TTC34: variants seen among roughly 807,000 people sequenced by gnomAD.
TTC34 encodes the protein tetratricopeptide repeat domain 34, also known as tetratricopeptide repeat protein 34.
Under a neutral mutation model 40.7 loss-of-function variants are expected in TTC34, and 44 were observed. The ratio of observed to expected loss-of-function variants is 1.08; its 90% CI spans 0.85 to 1.39. The LOEUF (loss-of-function observed/expected upper bound fraction) is 1.39, where lower values mean the gene tolerates loss of function less well. TTC34 is among the 40% of genes most tolerant of loss of function. The pLI is 0.00. For missense variants in TTC34, 884 were observed against 838.0 expected (o/e 1.05, Z -0.68); for synonymous variants, 422 against 398.6 (o/e 1.06, Z -0.70).
chr1:2,794,276 G>A (rs1643692750), intron 2 of TTC34, among the ~76,000 whole-genome samples: 1 of 152,110 alleles, frequency 6.6e-6, no homozygotes, highest in South Asian at 2.1e-4. Context: ...AAAAGTGCTG[G>A]GATTACAGGC....
intron 6 of TTC34, among the ~76,000 whole-genome samples, chr1:2,695,978 C>T (rs1282606734): frequency 7.4e-6 from 1 of 135,984 alleles, no homozygotes; most frequent in East Asian, 2.1e-4. Context: ...ATCTGATAGC[C>T]TGGAACAGAA....
At chr1:2,783,798 C>T in intron 5 of TTC34, 23 bp from the exon 6 acceptor site, 2 of 1,457,976 alleles carry the variant, frequency 1.4e-6, no homozygotes, top group East Asian at 2.6e-5. Flanking sequence ...GGCATGGGGT[C>T]AGGATGAGCC....
At chr1:2,754,650 C>G (rs1641444144) in intron 6 of TTC34, among the ~76,000 whole-genome samples, 2 of 89,686 alleles carry the variant, frequency 2.2e-5, no homozygotes, top group Non-Finnish European at 4.1e-5. Context: ...CGTGGAGGAG[C>G]ACCCACACCC....
At chr1:2,641,160 G>GTGGGAAGGGGGGCTGTGGGGAGGGT in exon 9 of TTC34, 2 of 398,584 alleles carry the variant, frequency 5.0e-6, no homozygotes, top group South Asian at 4.0e-5. Flanking sequence ...TGTGGGGAGG[G>GTGGGAAGGGGGGCTGTGGGGAGGGT]TGGGAAGGGG....
chr1:2,692,325 C>G lies in TTC34; in HGVS notation c.2227-46762G>C, dbSNP rs539469955. Among the ~76,000 whole-genome samples the G allele has an allele frequency of 2.8e-5, 2 of 70,480 alleles. 1 individual carries two copies. Among genetic ancestry groups the G allele is most frequent in the East Asian group, 6.9e-4 (2 of 2,910 alleles). 46.2% of individuals were successfully genotyped at this position (70,480 alleles called of 152,430 possible). A position where few individuals can be genotyped will look rare whatever the true frequency, so the allele number is the denominator to read the frequency against. On this transcript the variant is annotated intron_variant, in intron 6 of 8. Transcript: ENST00000401095. ...CACACCCCCAGTGAGCATCTGACAGCCTGGAGCAGCGCCCACACACCGAGG... is the reference window on the plus strand; with the variant it reads ...CACACCCCCAGTGAGCATCTGACAGGCTGGAGCAGCGCCCACACACCGAGG...
intron 6 of TTC34, among the ~76,000 whole-genome samples, chr1:2,683,907 C>A (rs1326802783): frequency 2.7e-5 from 4 of 148,642 alleles, no homozygotes; most frequent in African/African-American, 1.0e-4. Flanking sequence ...TGGGTCGGCA[C>A]CCACACCTCC....
intron 6 of TTC34, among the ~76,000 whole-genome samples, chr1:2,687,285 C>A (rs1455200763): frequency 2.1e-5 from 3 of 142,946 alleles, no homozygotes; most frequent in Non-Finnish European, 3.0e-5. Context: ...GCACCCACAA[C>A]CACAGGTGAG....
chr1:2,656,364 C>T (rs1393352239), intron 6 of TTC34, among the ~76,000 whole-genome samples: 82 of 98,296 alleles, frequency 8.3e-4, no homozygotes, highest in Middle Eastern at 5.7e-3. Flanking sequence ...CAGCCTGGAA[C>T]AGCACCCACA....
At chr1:2,686,632 G>A (rs1006427583) in intron 6 of TTC34, among the ~76,000 whole-genome samples, 9 of 149,644 alleles carry the variant, frequency 6.0e-5, no homozygotes, top group Admixed American at 2.0e-4. Context: ...GCATGTAACA[G>A]CACCCACACA....
rs1643713198 is a variant in TTC34 at position 2,796,740 on chromosome 1, C to T, written c.784+3304G>A. On this transcript the variant is annotated intron_variant, in intron 2 of 8. Transcript: ENST00000401095. This position sits in a 1 kb window ranked among gnomAD's most constrained non-coding sequence, Gnocchi z 4.5. ...TGCCTGTGCTCTGGGCACCCGGGGT[C>T]CCCTCCTTCCTCAGAAGCTCACGAT... Among the ~76,000 whole-genome samples, 1 of 152,180 alleles carries T rather than the reference C, an allele frequency of 6.6e-6. No homozygotes were observed. The highest frequency in any genetic ancestry group is 1.5e-5 in the Non-Finnish European group (1 of 68,036).
intron 6 of TTC34, among the ~76,000 whole-genome samples, chr1:2,686,509 C>A (rs1232344477): frequency 5.0e-5 from 5 of 100,822 alleles, no homozygotes; most frequent in Admixed American, 2.2e-4. Flanking sequence ...CAGCCTCGAA[C>A]AGCACCCTGC....
At chr1:2,748,901 G>C (rs1488501852) in intron 6 of TTC34, among the ~76,000 whole-genome samples, 1 of 63,508 alleles carries the variant, frequency 1.6e-5, no homozygotes, top group Admixed American at 1.8e-4. Context: ...GCATCTGACA[G>C]CCTGGAACAG....
intron 6 of TTC34, among the ~76,000 whole-genome samples, chr1:2,687,122 C>A (rs1640397796): frequency 3.6e-5 from 5 of 139,228 alleles, no homozygotes; most frequent in South Asian, 2.2e-4. Context: ...TAGCACCCCA[C>A]ACCCACAGGT....
At chr1:2,688,775 C>T (rs1640490428) in intron 6 of TTC34, among the ~76,000 whole-genome samples, 1 of 116,512 alleles carries the variant, frequency 8.6e-6, no homozygotes, top group Non-Finnish European at 1.7e-5. Flanking sequence ...CCCACATCCC[C>T]AGGCGAGCAT....
intron 2 of TTC34, among the ~76,000 whole-genome samples, chr1:2,792,570 C>T (rs531354944): frequency 1.3e-5 from 2 of 152,290 alleles, no homozygotes; most frequent in South Asian, 4.1e-4. Flanking sequence ...GTTTAAACTC[C>T]AAATTCTATT....
chr1:2,685,861 C>A (rs1570812285), intron 6 of TTC34, among the ~76,000 whole-genome samples: 1 of 150,362 alleles, frequency 6.7e-6, no homozygotes, highest in South Asian at 2.1e-4. Context: ...CTCTGACAGC[C>A]TGGAACAGCA....
intron 6 of TTC34, among the ~76,000 whole-genome samples, chr1:2,759,962 CA>C (rs1641641392): frequency 3.7e-5 from 1 of 27,274 alleles, no homozygotes; most frequent in Non-Finnish European, 9.5e-5. Flanking sequence ...GCACCCACAC[CA>C]CCAGGTGAGC....
intron 6 of TTC34, among the ~76,000 whole-genome samples, chr1:2,750,719 A>G (rs1641291199): frequency 6.3e-5 from 9 of 142,018 alleles, no homozygotes; most frequent in Admixed American, 7.0e-5. Context: ...CTGGAGCAGC[A>G]CCCACACCCC....
intron 6 of TTC34, among the ~76,000 whole-genome samples, chr1:2,647,884 C>T (rs1639051506): frequency 6.6e-6 from 1 of 152,074 alleles, no homozygotes; most frequent in South Asian, 2.1e-4. Context: ...TTTCTTTGGT[C>T]TATACTTGAG....
Sources: allele counts gnomAD v4.1 joint callset (sites outside exome capture counted in the v4.1 genomes callset), GRCh38; gene constraint gnomAD v4.1.1; non-coding constraint Gnocchi (gnomAD v3.1); transcripts MANE v1.5; gene names NCBI Gene and HGNC (gene_info 2026-07-23, HGNC 2026-07-21).